PIK3C2G: variants seen among roughly 807,000 people sequenced by gnomAD.
PIK3C2G encodes phosphatidylinositol 3-kinase C2 domain-containing subunit gamma.
A neutral mutation model predicts 181.1 loss-of-function variants in PIK3C2G; 168 were observed. That is an observed-to-expected ratio of 0.93 (90% CI 0.82 to 1.05). The LOEUF (loss-of-function observed/expected upper bound fraction) is 1.05. Among genes scored for constraint, PIK3C2G ranks in the 50% least tolerant of loss-of-function variants. The pLI is 0.00. For synonymous variants in PIK3C2G, 573 were observed against 592.2 expected (o/e 0.97, Z 0.47); for missense variants, 1,869 against 1,732.8 (o/e 1.08, Z -1.40).
At chr12:18,604,101 C>A (rs568485572) in intron 30 of PIK3C2G, among the ~76,000 whole-genome samples, 2 of 152,112 alleles carry the variant, frequency 1.3e-5, no homozygotes, top group South Asian at 4.1e-4. Context: ...AGATACAGAA[C>A]CACAGAATGC....
At chr12:18,400,694 G>A (rs1001447234) in intron 16 of PIK3C2G, among the ~76,000 whole-genome samples, 1 of 152,096 alleles carries the variant, frequency 6.6e-6, no homozygotes. Context: ...AAACTTCTGG[G>A]GTGGGTAAAG....
chr12:18,264,700 G>A (rs1179942155), intron 1 of PIK3C2G, among the ~76,000 whole-genome samples: 4 of 151,882 alleles, frequency 2.6e-5, no homozygotes, highest in Non-Finnish European at 5.9e-5. Flanking sequence ...TTGTATGTGA[G>A]AACAAAAGAA....
intron 18 of PIK3C2G, among the ~76,000 whole-genome samples, chr12:18,434,586 G>A (rs192806457): frequency 1.5e-4 from 23 of 152,250 alleles, no homozygotes; most frequent in South Asian, 8.3e-4. Flanking sequence ...TCTATATTCC[G>A]TAGGCCAGAA....
intron 5 of PIK3C2G, among the ~76,000 whole-genome samples, chr12:18,299,510 T>G (rs1284091456): frequency 6.6e-6 from 1 of 151,948 alleles, no homozygotes; most frequent in African/African-American, 2.4e-5. Flanking sequence ...GACTTTCTCT[T>G]TTCCAATCTG....
intron 1 of PIK3C2G, among the ~76,000 whole-genome samples, chr12:18,277,729 T>A (rs1591808574): frequency 6.6e-6 from 1 of 152,170 alleles, no homozygotes; most frequent in South Asian, 2.1e-4. Flanking sequence ...GTTCCTATTC[T>A]GAACACTGGA....
rs141917752 is a variant in PIK3C2G at position 18,560,915 on chromosome 12, G to T, written c.3591-1788G>T. 5.8e-3 allele frequency among the ~76,000 whole-genome samples: 877 copies of T among 152,186 alleles called. 5 individuals carry two copies. Among genetic ancestry groups the T allele is most frequent in the African/African-American group, 0.02 (836 of 41,510 alleles). On this transcript the variant is annotated intron_variant, in intron 26 of 32. Transcript: ENST00000538779. ...GCAGGAAGACTAACTCACTTATATG[G>T]TAAACAATTTACTATGTCATCAGAG...
At chr12:18,431,401 A>AG (rs1039865945) in intron 18 of PIK3C2G, among the ~76,000 whole-genome samples, 3 of 152,160 alleles carry the variant, frequency 2.0e-5, no homozygotes, top group Admixed American at 2.0e-4. Context: ...GAGTAGAGAG[A>AG]GGGAACTCAA....
intron 32 of PIK3C2G, among the ~76,000 whole-genome samples, chr12:18,646,815 A>G (rs149921635): frequency 1.3e-5 from 2 of 152,252 alleles, no homozygotes; most frequent in East Asian, 3.9e-4. Context: ...TCTTAGCGGT[A>G]CTATGCCTTT....
At chr12:18,675,822 C>A in the PIK3C2G span, among the ~76,000 whole-genome samples, 6 of 144,882 alleles carry the variant, frequency 4.1e-5, no homozygotes, top group African/African-American at 1.5e-4. Flanking sequence ...ACAATAAGTA[C>A]AAATGAACAG....
intron 13 of PIK3C2G, among the ~76,000 whole-genome samples, chr12:18,374,370 A>T (rs937671384): frequency 3.2e-4 from 49 of 152,292 alleles, no homozygotes; most frequent in African/African-American, 1.2e-3. Context: ...GTCATTTCAG[A>T]TGTATCTTCA....
intron 14 of PIK3C2G, among the ~76,000 whole-genome samples, chr12:18,383,549 G>C (rs1442367552): frequency 1.3e-5 from 2 of 152,150 alleles, no homozygotes; most frequent in African/African-American, 4.8e-5. Context: ...AGTCATAAAG[G>C]AATGCACAAT....
chr12:18,681,982 C>T, the PIK3C2G span, among the ~76,000 whole-genome samples: 124 of 152,128 alleles, frequency 8.2e-4, 3 homozygotes, highest in Non-Finnish European at 2.9e-5. Context: ...AAACTCCCTC[C>T]TGCTGTCATG....
intron 18 of PIK3C2G, among the ~76,000 whole-genome samples, chr12:18,467,924 T>C (rs146155597): frequency 1.3e-5 from 2 of 152,132 alleles, no homozygotes; most frequent in Non-Finnish European, 2.9e-5. Flanking sequence ...TATAATAAAA[T>C]TTACATGTGG....
rs1306650395 is a variant in PIK3C2G at position 18,494,962 on chromosome 12, A to C, written c.2794-1100A>C. Among the ~76,000 whole-genome samples, 4 of 152,014 alleles carry C rather than the reference A, an allele frequency of 2.6e-5. No homozygotes were observed. In the East Asian group the frequency reaches 5.8e-4, roughly 22 times the overall value. On this transcript the variant is annotated intron_variant, in intron 20 of 32. Transcript: ENST00000538779. ...CTTACTGAATCAATTTGATTTTTCA[A>C]ATTGAAAGTAGAAAATATCTATTTT... is the stretch of plus-strand genomic sequence containing the variant.
chr12:18,569,265 G>C (rs779088271), intron 29 of PIK3C2G, among the ~76,000 whole-genome samples: 1 of 151,944 alleles, frequency 6.6e-6, no homozygotes. Flanking sequence ...GATCAAATCC[G>C]AAGAGAGATA....
rs11044139 is a variant in PIK3C2G at position 18,494,964 on chromosome 12, T to G, written c.2794-1098T>G. 2.0e-4 allele frequency among the ~76,000 whole-genome samples: 30 copies of G among 152,176 alleles called. No individual in the cohort carries two copies. In the East Asian group the frequency reaches 5.6e-3, roughly 29 times the overall value. ...TACTGAATCAATTTGATTTTTCAAA[T>G]TGAAAGTAGAAAATATCTATTTTCC... On this transcript the variant is annotated intron_variant, in intron 20 of 32. Coordinates refer to ENST00000538779, the MANE Select transcript of PIK3C2G (RefSeq NM_001288772.2).
At chr12:18,637,913 C>G (rs1285980887) in intron 31 of PIK3C2G, among the ~76,000 whole-genome samples, 1 of 152,206 alleles carries the variant, frequency 6.6e-6, no homozygotes, top group African/African-American at 2.4e-5. Flanking sequence ...TGTTAGAACC[C>G]TTTCTGATTC....
the PIK3C2G span, among the ~76,000 whole-genome samples, chr12:18,671,647 A>AT: frequency 6.6e-6 from 1 of 152,160 alleles, no homozygotes; most frequent in Non-Finnish European, 1.5e-5. Context: ...TATATTGGAT[A>AT]TAAAAAAAAA....
intron 18 of PIK3C2G, among the ~76,000 whole-genome samples, chr12:18,474,801 T>A (rs1216665304): frequency 6.6e-6 from 1 of 152,140 alleles, no homozygotes; most frequent in Non-Finnish European, 1.5e-5. Context: ...TTCAAATAAA[T>A]GATTTTTAAA....
Sources: gnomAD v4.1 joint callset for allele counts (sites outside exome capture counted in the v4.1 genomes callset) on GRCh38, gnomAD v4.1.1 for gene constraint, MANE v1.5 for transcripts, NCBI Gene and HGNC (gene_info 2026-07-23, HGNC 2026-07-21) for gene names.